COL8A1: variants seen among roughly 807,000 people sequenced by gnomAD.
The protein encoded by COL8A1 is collagen alpha-1(VIII) chain.
COL8A1 carries 21 observed loss-of-function variants against 42.7 expected under a neutral mutation model. That is an observed-to-expected ratio of 0.49 (90% CI 0.35 to 0.71). COL8A1 has a LOEUF of 0.71. Ranked by LOEUF, COL8A1 falls within the 30% of genes least tolerant of loss-of-function variation. COL8A1 has a pLI of 0.01. For synonymous variants in COL8A1, 367 were observed against 369.1 expected (o/e 0.99, Z 0.06); for missense variants, 788 against 962.4 (o/e 0.82, Z 2.40).
intron 1 of COL8A1, among the ~76,000 whole-genome samples, chr3:99,654,336 T>TG (rs1477388785): frequency 6.6e-6 from 1 of 152,190 alleles, no homozygotes; most frequent in Non-Finnish European, 1.5e-5. Flanking sequence ...GAACAATACT[T>TG]GGCATCCTTC....
intron 1 of COL8A1, among the ~76,000 whole-genome samples, chr3:99,689,970 T>A (rs1242940201): frequency 6.6e-6 from 1 of 152,250 alleles, no homozygotes; most frequent in African/African-American, 2.4e-5. Flanking sequence ...TTTTTATTTT[T>A]CTTTAAAATA....
rs1243559178 is a variant in COL8A1, at chr3:99,795,916, G to T, written c.2015G>T (p.Gly672Val). 4 of 1,614,156 alleles carry T rather than the reference G, an allele frequency of 2.5e-6. No individual in the cohort carries two copies. In the Middle Eastern group the frequency reaches 4.9e-4, roughly 200 times the overall value. ...GCATACCACGTTCACTGCAAGGGGGGCAACGTGTGGGTTGCTCTATTCAAG... is the reference window on the plus strand; with the variant it reads ...GCATACCACGTTCACTGCAAGGGGGTCAACGTGTGGGTTGCTCTATTCAAG... ...YFAYHVHCKG[G>V]NVWVALFKNN... Residue 672 changes from glycine to valine, a missense_variant, in exon 4 of 4, where the codon GGC (glycine) becomes GTC (valine). This residue lies in a region of COL8A1 where 212 missense variants were observed against 210.9 expected (regional missense o/e 1.00). Coordinates refer to ENST00000652472, the MANE Select transcript of COL8A1 (RefSeq NM_020351.4).
chr3:99,689,885 A>G (rs1939167466), intron 1 of COL8A1, among the ~76,000 whole-genome samples: 1 of 152,224 alleles, frequency 6.6e-6, no homozygotes, highest in African/African-American at 2.4e-5. Context: ...CTGCTCATGG[A>G]GAAATGCTGA....
intron 1 of COL8A1, among the ~76,000 whole-genome samples, chr3:99,738,276 G>C (rs1404040914): frequency 6.6e-6 from 1 of 152,220 alleles, no homozygotes; most frequent in Non-Finnish European, 1.5e-5. Context: ...GAGGAACTGC[G>C]TTCCTTTGGA....
At chr3:99,658,793 G>A (rs1041451704) in intron 1 of COL8A1, among the ~76,000 whole-genome samples, 2 of 152,200 alleles carry the variant, frequency 1.3e-5, no homozygotes, top group Non-Finnish European at 2.9e-5. Context: ...TGCAAGGCGG[G>A]AAGAACAAAT....
chr3:99,760,459 C>T (rs1941345789), intron 2 of COL8A1, among the ~76,000 whole-genome samples: 1 of 152,098 alleles, frequency 6.6e-6, no homozygotes. Context: ...AATTTTGCTG[C>T]CCCCTCTCCC....
rs546852901 is a variant in COL8A1, at chr3:99,652,132, C to T, written c.-129+13468C>T. 7.2e-5 allele frequency among the ~76,000 whole-genome samples: 11 copies of T among 152,296 alleles called. No individual in the cohort carries two copies. In the East Asian group the frequency reaches 2.1e-3, roughly 29 times the overall value. On this transcript the variant is annotated intron_variant, in intron 1 of 3. Coordinates refer to ENST00000652472, the MANE Select transcript of COL8A1 (RefSeq NM_020351.4). ...TTTGAATACATATAAATAAAATTCT[C>T]ATCTGCAGACATGAGCCAGTGGCTA... is the stretch of plus-strand genomic sequence containing the variant.
At chr3:99,738,809 A>G (rs960542476) in intron 1 of COL8A1, among the ~76,000 whole-genome samples, 74 of 151,608 alleles carry the variant, frequency 4.9e-4, no homozygotes, top group Non-Finnish European at 9.6e-4. Flanking sequence ...AATGGCGGGC[A>G]CCCCTCCCCC....
At chr3:99,781,519 T>C (rs569170586) in intron 2 of COL8A1, among the ~76,000 whole-genome samples, 3 of 152,336 alleles carry the variant, frequency 2.0e-5, no homozygotes, top group Non-Finnish European at 4.4e-5. Context: ...AAATGTACTA[T>C]AAAATTTATA....
intron 2 of COL8A1, among the ~76,000 whole-genome samples, chr3:99,789,800 A>C (rs1386770247): frequency 6.6e-6 from 1 of 152,250 alleles, no homozygotes; most frequent in African/African-American, 2.4e-5. Context: ...TCTTTCACAA[A>C]AGGACAAAGA....
chr3:99,783,481 T>C (rs1344233545), intron 2 of COL8A1, among the ~76,000 whole-genome samples: 1 of 152,226 alleles, frequency 6.6e-6, no homozygotes, highest in Admixed American at 6.5e-5. Context: ...TAAATGTTCA[T>C]TGGATGGTCT....
intron 2 of COL8A1, among the ~76,000 whole-genome samples, chr3:99,745,550 T>C (rs532635237): frequency 2.4e-4 from 37 of 152,290 alleles, no homozygotes; most frequent in African/African-American, 8.7e-4. Context: ...TGGGGCAACT[T>C]TTTTTCTGGC....
intron 1 of COL8A1, among the ~76,000 whole-genome samples, chr3:99,732,133 G>T (rs1217827661): frequency 6.6e-6 from 1 of 151,830 alleles, no homozygotes; most frequent in Non-Finnish European, 1.5e-5. Flanking sequence ...TTGTTTTAAG[G>T]CAAAAACTAA....
chr3:99,650,963 T>G (rs1049059781), intron 1 of COL8A1, among the ~76,000 whole-genome samples: 1 of 152,232 alleles, frequency 6.6e-6, no homozygotes. Flanking sequence ...TTAAATGTCA[T>G]GTTCAATGCA....
rs113827350 is a variant in COL8A1 at position 99,689,496 on chromosome 3, C to T, written c.-129+50832C>T. ...AAGATACAGACCAGGCCCTGGAACC[C>T]ATTTCTTGGTTAATCCCCTAGGCAT... is the stretch of plus-strand genomic sequence containing the variant. On this transcript the variant is annotated intron_variant, in intron 1 of 3. Coordinates refer to ENST00000652472, the MANE Select transcript of COL8A1 (RefSeq NM_020351.4). 3.6e-3 allele frequency among the ~76,000 whole-genome samples: 544 copies of T among 152,300 alleles called. 1 individual carries two copies. The highest frequency in any genetic ancestry group is 0.013 in the African/African-American group (524 of 41,554).
chr3:99,728,767 G>T (rs1171634876), intron 1 of COL8A1, among the ~76,000 whole-genome samples: 1 of 151,854 alleles, frequency 6.6e-6, no homozygotes, highest in Non-Finnish European at 1.5e-5. Flanking sequence ...TTGAATACAA[G>T]TATCTCATAA....
chr3:99,649,689 G>A (rs1441465359), intron 1 of COL8A1, among the ~76,000 whole-genome samples: 1 of 152,094 alleles, frequency 6.6e-6, no homozygotes, highest in Non-Finnish European at 1.5e-5. Flanking sequence ...GGTTTTCTGA[G>A]AGAACCAAGA....
At chr3:99,759,436 A>G (rs1428877465) in intron 2 of COL8A1, among the ~76,000 whole-genome samples, 1 of 152,142 alleles carries the variant, frequency 6.6e-6, no homozygotes, top group East Asian at 1.9e-4. Flanking sequence ...GATTTCCTAA[A>G]CTACCCTGTC....
At chr3:99,648,098 C>CTATCTAATA (rs1937708910) in intron 1 of COL8A1, among the ~76,000 whole-genome samples, 1 of 152,152 alleles carries the variant, frequency 6.6e-6, no homozygotes, top group Admixed American at 6.5e-5. Flanking sequence ...AGATATTGTG[C>CTATCTAATA]TAGTCCCGTT....
Sources: allele counts gnomAD v4.1 joint callset (sites outside exome capture counted in the v4.1 genomes callset), GRCh38; gene constraint gnomAD v4.1.1; regional missense constraint gnomAD v4.1.1; transcripts MANE v1.5; gene names NCBI Gene and HGNC (gene_info 2026-07-23, HGNC 2026-07-21).